Variants in NPAS3 observed in about 807,000 individuals in gnomAD.
NPAS3 encodes neuronal PAS domain-containing protein 3.
A neutral mutation model predicts 73.1 loss-of-function variants in NPAS3; 14 were observed. That is an observed-to-expected ratio of 0.19 (90% CI 0.13 to 0.30). NPAS3 has a LOEUF of 0.30. NPAS3 is among the 10% of genes least tolerant of loss of function. The pLI is 1.00. For missense variants in NPAS3, 1,096 were observed against 1,250.0 expected (o/e 0.88, Z 1.86); for synonymous variants, 620 against 541.5 (o/e 1.14, Z -2.01).
chr14:33,395,119 T>C (rs184091001), intron 4 of NPAS3, among the ~76,000 whole-genome samples: 54 of 152,260 alleles, frequency 3.5e-4, no homozygotes, highest in African/African-American at 1.1e-3. Flanking sequence ...TCTTGAAAGA[T>C]AATTGAAGTA....
intron 4 of NPAS3, among the ~76,000 whole-genome samples, chr14:33,441,820 A>C (rs903263942): frequency 1.3e-5 from 2 of 152,172 alleles, no homozygotes; most frequent in African/African-American, 2.4e-5. Flanking sequence ...GGTGGCAGGT[A>C]AGAGCACCAG....
chr14:33,093,714 C>T (rs996371330), intron 2 of NPAS3, among the ~76,000 whole-genome samples: 6 of 152,082 alleles, frequency 3.9e-5, no homozygotes, highest in East Asian at 1.9e-4. Context: ...GACTTGGAAT[C>T]GACCCAAATG....
chr14:33,455,421 C>T (rs1358252659), intron 4 of NPAS3, among the ~76,000 whole-genome samples: 3 of 152,192 alleles, frequency 2.0e-5, no homozygotes, highest in African/African-American at 7.2e-5. Flanking sequence ...CTTTGCAGAG[C>T]ACTCACATGT....
chr14:32,938,262 C>T (rs2035764894), upstream of NPAS3, among the ~76,000 whole-genome samples: 1 of 152,056 alleles, frequency 6.6e-6, no homozygotes, highest in South Asian at 2.1e-4. Context: ...ACCCCCCATC[C>T]GTATTGATTT....
rs1555350930 is a variant in NPAS3, at chr14:33,180,799, C to CAAAAAAAAAA, written c.141-34381_141-34380insAAAAAAAAAA. Among the ~76,000 whole-genome samples the CAAAAAAAAAA allele has an allele frequency of 1.4e-4, 10 of 69,362 alleles. 2 individuals are homozygous for CAAAAAAAAAA. Among genetic ancestry groups the CAAAAAAAAAA allele is most frequent in the African/African-American group, 4.1e-4 (7 of 17,216 alleles). 45.5% of individuals were successfully genotyped at this position (69,362 alleles called of 152,430 possible). On this transcript the variant is annotated intron_variant, in intron 2 of 11. Transcript: ENST00000356141. ...GGGCGACAGAGCGAGACACTGTCTCCAAGAAAAAAAAAAAAAAAAAAAAAA... is the reference window on the plus strand; with the variant it reads ...GGGCGACAGAGCGAGACACTGTCTCCAAAAAAAAAAAAGAAAAAAAAAAAAAAAAAAAAAA...
At chr14:33,660,949 C>G (rs2059288070) in intron 5 of NPAS3, among the ~76,000 whole-genome samples, 1 of 152,124 alleles carries the variant, frequency 6.6e-6, no homozygotes, top group Non-Finnish European at 1.5e-5. Flanking sequence ...TTTCCCCCAC[C>G]TTTTTAGCTG....
chr14:33,237,686 GA>G (rs1489199293), intron 3 of NPAS3, among the ~76,000 whole-genome samples: 1 of 151,820 alleles, frequency 6.6e-6, no homozygotes, highest in African/African-American at 2.4e-5. Context: ...GTTCAATCAG[GA>G]AAATACATGC....
At chr14:33,013,555 T>C (rs2039287799) in intron 1 of NPAS3, among the ~76,000 whole-genome samples, 1 of 152,142 alleles carries the variant, frequency 6.6e-6, no homozygotes, top group Non-Finnish European at 1.5e-5. Context: ...AATATAACCA[T>C]TTAAAAAAAT....
In NPAS3 at chr14:33,006,000, A is replaced by T. The variant is rs1313227138; in HGVS notation, c.51-49905A>T. Among the ~76,000 whole-genome samples the T allele has an allele frequency of 2.0e-5, 3 of 152,262 alleles. No homozygotes were observed. The Middle Eastern group carries it at 0.01, about 518-fold the overall frequency. ...TCCCTCCCCATGAGCCAGCTGGCTGACCAGAAGGCGGGGAGCCATTGACAT... is the reference window on the plus strand; with the variant it reads ...TCCCTCCCCATGAGCCAGCTGGCTGTCCAGAAGGCGGGGAGCCATTGACAT... On this transcript the variant is annotated intron_variant, in intron 1 of 11. Coordinates refer to ENST00000356141, the Ensembl canonical transcript of NPAS3.
chr14:33,757,340 T>C (rs1316993511), intron 7 of NPAS3, among the ~76,000 whole-genome samples: 1 of 152,194 alleles, frequency 6.6e-6, no homozygotes, highest in East Asian at 1.9e-4. Context: ...TCAGCAATTG[T>C]GTAAGACAGG....
At position 33,636,086 on chromosome 14, in the gene NPAS3, AATTTTGT is replaced by A. The variant is rs1400349223; in HGVS notation, c.559-40119_559-40113del. On this transcript the variant is annotated intron_variant, in intron 5 of 11. Transcript: ENST00000356141. ...CAGGCATGCACCACCACGCCTGGCTAATTTTGTATTTTTAGTAAAGACAGGGTTTCTC... is the reference window on the plus strand; with the variant it reads ...CAGGCATGCACCACCACGCCTGGCTAATTTTTAGTAAAGACAGGGTTTCTC... 3.9e-5 allele frequency among the ~76,000 whole-genome samples: 6 copies of A among 152,086 alleles called. No homozygotes were observed. The East Asian group carries it at 1.2e-3, about 29-fold the overall frequency.
chr14:33,506,139 C>T (rs1377162415), intron 4 of NPAS3, among the ~76,000 whole-genome samples: 2 of 151,942 alleles, frequency 1.3e-5, no homozygotes, highest in Non-Finnish European at 1.5e-5. Flanking sequence ...ATAGTGCCAG[C>T]CAAAATACTA....
intron 3 of NPAS3, among the ~76,000 whole-genome samples, chr14:33,240,943 TGATGTGTTTCCTCCCTCTCC>T: frequency 1.3e-5 from 2 of 151,918 alleles, no homozygotes; most frequent in East Asian, 3.9e-4. Flanking sequence ...TGAATATAAT[TGATGTGTTTCCTCCCTCTCC>T]AGACCACTAA....
intron 2 of NPAS3, among the ~76,000 whole-genome samples, chr14:33,181,345 T>C (rs558534465): frequency 2.0e-5 from 3 of 152,298 alleles, no homozygotes; most frequent in African/African-American, 7.2e-5. Flanking sequence ...ATAAGAATTG[T>C]GCACTAAAAG....
intron 4 of NPAS3, among the ~76,000 whole-genome samples, chr14:33,412,410 A>G (rs911196108): frequency 3.3e-5 from 5 of 152,160 alleles, no homozygotes; most frequent in Admixed American, 6.6e-5. Context: ...GTGAGCCACT[A>G]CACCTGGCCG....
intron 4 of NPAS3, among the ~76,000 whole-genome samples, chr14:33,502,583 T>C (rs1256006362): frequency 1.3e-5 from 2 of 152,086 alleles, no homozygotes; most frequent in East Asian, 3.9e-4. Flanking sequence ...GAGAACTTCC[T>C]CCAAATAGGT....
intron 2 of NPAS3, among the ~76,000 whole-genome samples, chr14:33,091,659 A>T (rs1158594426): frequency 6.6e-6 from 1 of 152,236 alleles, no homozygotes; most frequent in Non-Finnish European, 1.5e-5. Context: ...CCTGGTGGAG[A>T]CACAACAAAA....
intron 2 of NPAS3, among the ~76,000 whole-genome samples, chr14:33,082,606 G>A (rs897157406): frequency 6.6e-6 from 1 of 152,180 alleles, no homozygotes; most frequent in Non-Finnish European, 1.5e-5. Flanking sequence ...ATGGAATTTA[G>A]CACTATACCT....
intron 2 of NPAS3, among the ~76,000 whole-genome samples, chr14:33,153,715 C>T (rs762379378): frequency 2.2e-4 from 34 of 152,040 alleles, no homozygotes; most frequent in Non-Finnish European, 2.4e-4. Flanking sequence ...TTATTTTAGC[C>T]GTGTTATTTC....
Sources: gnomAD v4.1 joint callset for allele counts (sites outside exome capture counted in the v4.1 genomes callset) on GRCh38, gnomAD v4.1.1 for gene constraint, MANE v1.5 for transcripts, NCBI Gene and HGNC (gene_info 2026-07-23, HGNC 2026-07-21) for gene names.